ST3GAL4: variants seen among roughly 807,000 people sequenced by gnomAD.
The protein encoded by ST3GAL4 is CMP-N-acetylneuraminate-beta-galactosamide-alpha-2,3-sialyltransferase 4.
In ST3GAL4, 24 loss-of-function variants were observed where a neutral mutation model predicts 42.6. The observed-to-expected ratio is 0.56, with a 90% CI of 0.41 to 0.79. The LOEUF (loss-of-function observed/expected upper bound fraction) is 0.79. ST3GAL4 is among the 30% of genes least tolerant of loss of function. ST3GAL4 has a pLI of 0.00. For missense variants in ST3GAL4, 311 were observed against 430.8 expected, an observed-to-expected ratio of 0.72 and a Z score of 2.46; for synonymous variants, 135 against 163.2, an observed-to-expected ratio of 0.83 and a Z score of 1.32.
intron 1 of ST3GAL4, among the ~76,000 whole-genome samples, chr11:126,388,969 G>A (rs1194001684): frequency 6.6e-6 from 1 of 151,498 alleles, no homozygotes; most frequent in South Asian, 2.1e-4. Flanking sequence ...GTAGAGACGG[G>A]GTTTCACCAT....
Position 126,386,460 on chromosome 11 carries a change from G to C in ST3GAL4, c.-60-19636G>C, listed in dbSNP as rs1296313660. Among the ~76,000 whole-genome samples the C allele has an allele frequency of 6.6e-6, 1 of 152,102 alleles. No homozygotes were observed. The highest frequency in any genetic ancestry group is 2.4e-5 in the African/African-American group (1 of 41,432). On this transcript the variant is annotated intron_variant, in intron 1 of 10. Coordinates refer to ENST00000444328, the MANE Select transcript of ST3GAL4 (RefSeq NM_001254757.2). This position sits in a 1 kb window ranked among gnomAD's most constrained non-coding sequence, Gnocchi z 4.7. ...GCCTTGGGGTCCCCAGCCTGTGCTG[G>C]GACAGGGGTATTATTCCAGTAGCCC...
intron 1 of ST3GAL4, among the ~76,000 whole-genome samples, chr11:126,403,011 C>T (rs1389183743): frequency 6.6e-6 from 1 of 152,216 alleles, no homozygotes; most frequent in Non-Finnish European, 1.5e-5. Context: ...TGTGGCTTTG[C>T]TCCTGCCCTT....
chr11:126,395,255 T>C (rs1007035608), intron 1 of ST3GAL4, among the ~76,000 whole-genome samples: 6 of 152,120 alleles, frequency 3.9e-5, no homozygotes, highest in African/African-American at 1.4e-4. Flanking sequence ...CCGGGCACTA[T>C]TGTCAACATG....
At chr11:126,375,296 G>A (rs1185634215) in intron 1 of ST3GAL4, among the ~76,000 whole-genome samples, 1 of 152,204 alleles carries the variant, frequency 6.6e-6, no homozygotes, top group Non-Finnish European at 1.5e-5. Flanking sequence ...ACTGTGTCTC[G>A]TGCGGAAGCG....
rs553490138 is a variant in ST3GAL4, at chr11:126,363,771, C to G, written c.-61+7929C>G. On this transcript the variant is annotated intron_variant, in intron 1 of 10. Coordinates refer to ENST00000444328, the MANE Select transcript of ST3GAL4 (RefSeq NM_001254757.2). The surrounding 1 kb of genome is among the most constrained non-coding windows in gnomAD (Gnocchi z 4.6). ...GAGCTCTTTCTCCCAGGGGAAGCTGCTCGAATGAGGGGAGTTGGCCAACAC... is the reference window on the plus strand; with the variant it reads ...GAGCTCTTTCTCCCAGGGGAAGCTGGTCGAATGAGGGGAGTTGGCCAACAC... 4.6e-5 allele frequency among the ~76,000 whole-genome samples: 7 copies of G among 152,328 alleles called. No individual in the cohort carries two copies. The highest frequency in any genetic ancestry group is 2.6e-4 in the Admixed American group (4 of 15,304).
Position 126,386,116 on chromosome 11 carries a change from C to T in ST3GAL4, c.-60-19980C>T, listed in dbSNP as rs979233093. On this transcript the variant is annotated intron_variant, in intron 1 of 10. Coordinates refer to ENST00000444328, the MANE Select transcript of ST3GAL4 (RefSeq NM_001254757.2). This position sits in a 1 kb window ranked among gnomAD's most constrained non-coding sequence, Gnocchi z 4.7. Reference sequence around the variant, plus strand: ...CCTACCCCATCTTCCCATGGCTGCCCTTCATGTAGGCCTCCGGTTTATAGC... The same window carrying T: ...CCTACCCCATCTTCCCATGGCTGCCTTTCATGTAGGCCTCCGGTTTATAGC... 1.3e-5 allele frequency among the ~76,000 whole-genome samples: 2 copies of T among 152,202 alleles called. No individual in the cohort carries two copies. The highest frequency in any genetic ancestry group is 4.8e-5 in the African/African-American group (2 of 41,446).
At chr11:126,364,048 T>G (rs1378875068) in intron 1 of ST3GAL4, among the ~76,000 whole-genome samples, 1 of 152,220 alleles carries the variant, frequency 6.6e-6, no homozygotes, top group East Asian at 1.9e-4. Context: ...CTGGCGGCCC[T>G]GGGGCAAGTG....
In ST3GAL4 at chr11:126,397,896, C is replaced by T. The variant is rs893291049; in HGVS notation, c.-60-8200C>T. ...CTTGACCCATTCATGAGAACAGAGCCCTCATGGCCTACTCTTATGAGACCC... is the reference window on the plus strand; with the variant it reads ...CTTGACCCATTCATGAGAACAGAGCTCTCATGGCCTACTCTTATGAGACCC... On this transcript the variant is annotated intron_variant, in intron 1 of 10. Transcript: ENST00000444328. The surrounding 1 kb of genome is among the most constrained non-coding windows in gnomAD (Gnocchi z 5.0). Among the ~76,000 whole-genome samples the T allele has an allele frequency of 6.6e-6, 1 of 151,848 alleles. No individual in the cohort carries two copies. The highest frequency in any genetic ancestry group is 2.4e-5 in the African/African-American group (1 of 41,384).
chr11:126,402,102 T>C (rs1219086390), intron 1 of ST3GAL4, among the ~76,000 whole-genome samples: 1 of 119,268 alleles, frequency 8.4e-6, no homozygotes, highest in African/African-American at 3.0e-5. Context: ...AGAGGGGAGG[T>C]AGGAGAGTCT....
chr11:126,377,093 G>A (rs1952851074), intron 1 of ST3GAL4, among the ~76,000 whole-genome samples: 1 of 152,150 alleles, frequency 6.6e-6, no homozygotes, highest in Non-Finnish European at 1.5e-5. Flanking sequence ...AGAAGGCAGT[G>A]CCCATCTAAT....
In ST3GAL4 at chr11:126,410,481, G is replaced by A. The variant is rs1954476253; in HGVS notation, c.771+1070G>A. Among the ~76,000 whole-genome samples the A allele has an allele frequency of 6.6e-6, 1 of 152,150 alleles. No homozygotes were observed. Among genetic ancestry groups the A allele is most frequent in the Admixed American group, 6.5e-5 (1 of 15,274 alleles). On this transcript the variant is annotated intron_variant, in intron 9 of 10. Coordinates refer to ENST00000444328, the MANE Select transcript of ST3GAL4 (RefSeq NM_001254757.2). This position sits in a 1 kb window ranked among gnomAD's most constrained non-coding sequence, Gnocchi z 5.3. ...AACTGCTCAGATCCTTGTTTTTCTT[G>A]CCTGTGTGGTGGGATAATATCCATA... is the stretch of plus-strand genomic sequence containing the variant.
chr11:126,389,914 C>T (rs1953410139), intron 1 of ST3GAL4, among the ~76,000 whole-genome samples: 1 of 151,574 alleles, frequency 6.6e-6, no homozygotes, highest in African/African-American at 2.4e-5. Context: ...TGGCTCACGC[C>T]TGTAATCCCA....
rs1279691412 is a variant in ST3GAL4 at position 126,406,142 on chromosome 11, G to T, written c.-14G>T. The T allele has an allele frequency of 6.4e-7, 1 of 1,553,816 alleles. No individual in the cohort carries two copies. Among genetic ancestry groups the T allele is most frequent in the Non-Finnish European group, 8.7e-7 (1 of 1,148,180 alleles). On this transcript the variant is annotated 5_prime_UTR_variant, in exon 2 of 11. Transcript: ENST00000444328. The surrounding 1 kb of genome is among the most constrained non-coding windows in gnomAD (Gnocchi z 5.4). ...GACAGCTCTCCCCAGGAATCCTGCTGCCTGCTGAGAAACATGGTCAGCAAG... is the reference window on the plus strand; with the variant it reads ...GACAGCTCTCCCCAGGAATCCTGCTTCCTGCTGAGAAACATGGTCAGCAAG...
intron 1 of ST3GAL4, among the ~76,000 whole-genome samples, chr11:126,369,139 T>C (rs938767389): frequency 1.3e-5 from 2 of 152,176 alleles, no homozygotes; most frequent in African/African-American, 4.8e-5. Context: ...GTGATGCGTG[T>C]TCTAGGGCTT....
intron 1 of ST3GAL4, among the ~76,000 whole-genome samples, chr11:126,357,450 G>A (rs1193756615): frequency 6.6e-6 from 1 of 152,176 alleles, no homozygotes; most frequent in Admixed American, 6.5e-5. Context: ...ATGGGTTGTT[G>A]TTCAGAGACA....
chr11:126,360,580 C>T (rs1179323399), intron 1 of ST3GAL4, among the ~76,000 whole-genome samples: 6 of 152,126 alleles, frequency 3.9e-5, no homozygotes, highest in Admixed American at 1.3e-4. Flanking sequence ...CCCGCCACCA[C>T]GCCTGGCTAA....
intron 1 of ST3GAL4, among the ~76,000 whole-genome samples, chr11:126,388,000 CTG>C (rs778554111): frequency 6.6e-6 from 1 of 152,214 alleles, no homozygotes; most frequent in Non-Finnish European, 1.5e-5. Context: ...GTTTCCTTGT[CTG>C]TGAGCAGATT....
rs1435483330 is a variant in ST3GAL4 at position 126,376,376 on chromosome 11, GT to G, written c.-61+20537del. On this transcript the variant is annotated intron_variant, in intron 1 of 10. Transcript: ENST00000444328. The surrounding 1 kb of genome is among the most constrained non-coding windows in gnomAD (Gnocchi z 5.1). ...AAAGAGGTTTAGTGGCCCAATGACAGTTTCAGAGGCAGGTGTTTGGAGAGTG... is the reference window on the plus strand; with the variant it reads ...AAAGAGGTTTAGTGGCCCAATGACAGTTCAGAGGCAGGTGTTTGGAGAGTG... Among the ~76,000 whole-genome samples the G allele has an allele frequency of 4.6e-5, 7 of 152,216 alleles. No individual in the cohort carries two copies. Among genetic ancestry groups the G allele is most frequent in the Non-Finnish European group, 1.0e-4 (7 of 68,038 alleles).
At chr11:126,381,221 C>T (rs887211050) in intron 1 of ST3GAL4, among the ~76,000 whole-genome samples, 4 of 152,198 alleles carry the variant, frequency 2.6e-5, no homozygotes, top group African/African-American at 9.7e-5. Flanking sequence ...GATCCCTGGC[C>T]ACCCATTCAG....
Sources: gnomAD v4.1 joint callset for allele counts (sites outside exome capture counted in the v4.1 genomes callset) on GRCh38, gnomAD v4.1.1 for gene constraint, Gnocchi (gnomAD v3.1) non-coding constraint, MANE v1.5 for transcripts, NCBI Gene and HGNC (gene_info 2026-07-23, HGNC 2026-07-21) for gene names.